The following RRAS2 variants were observed in gnomAD, a reference collection of about 807,000 sequenced individuals.
The protein encoded by RRAS2 is RAS related 2.
In RRAS2, 7 loss-of-function variants were observed where a neutral mutation model predicts 27.6. The ratio of observed to expected loss-of-function variants is 0.25; its 90% CI spans 0.14 to 0.48. The LOEUF (loss-of-function observed/expected upper bound fraction) is 0.48, where lower values mean the gene tolerates loss of function less well. Ranked by LOEUF, RRAS2 falls within the 20% of genes least tolerant of loss-of-function variation. The pLI is 0.99. For synonymous variants in RRAS2, 86 were observed against 90.9 expected, an observed-to-expected ratio of 0.95 and a Z score of 0.31; for missense variants, 178 against 256.2, an observed-to-expected ratio of 0.69 and a Z score of 2.08.
At chr11:14,279,517 G>C (rs1849462489) in intron 5 of RRAS2, 93 bp from the exon 6 acceptor site, 2 of 951,136 alleles carry the variant, frequency 2.1e-6, no homozygotes, top group Non-Finnish European at 3.4e-6. Flanking sequence ...ACTTTTAAGT[G>C]TGTATGCTTT....
intron 1 of RRAS2, among the ~76,000 whole-genome samples, chr11:14,326,209 T>G (rs1564972641): frequency 6.6e-6 from 1 of 152,230 alleles, no homozygotes; most frequent in Non-Finnish European, 1.5e-5. Flanking sequence ...TCTCAGGGCA[T>G]GTACCTAATG....
Position 14,359,088 on chromosome 11 carries a change from G to T in RRAS2, c.-218C>A, listed in dbSNP as rs1169002903. The stretch of plus-strand genomic sequence containing the variant: ...GCGCGGAGAAGCGGGGTGACGGCAC[G>T]GGCCAGGGGCGGCAGCGGCCGGGGG... On this transcript the variant is annotated 5_prime_UTR_variant, in exon 1 of 6. Transcript: ENST00000256196. 1 of 1,082,570 alleles carries T rather than the reference G, an allele frequency of 9.2e-7. No homozygotes were observed. The highest frequency in any genetic ancestry group is 1.1e-6 in the Non-Finnish European group (1 of 893,240). The allele number at this position is 1,082,570 out of a possible 1,614,324, so 67.1% of individuals were successfully genotyped here. A position where few individuals can be genotyped will look rare whatever the true frequency, so the allele number is the denominator to read the frequency against.
intron 1 of RRAS2, among the ~76,000 whole-genome samples, chr11:14,329,388 A>T (rs960150799): frequency 6.6e-6 from 1 of 152,234 alleles, no homozygotes; most frequent in Admixed American, 6.5e-5. Flanking sequence ...TGCTAAGATT[A>T]CAGGCACAAG....
chr11:14,319,594 A>G (rs1848183774), intron 1 of RRAS2, among the ~76,000 whole-genome samples: 1 of 150,860 alleles, frequency 6.6e-6, no homozygotes, highest in Non-Finnish European at 1.5e-5. Context: ...TCCTGACCTC[A>G]TGATCCACCC....
intron 5 of RRAS2, among the ~76,000 whole-genome samples, chr11:14,280,443 C>T (rs1054623913): frequency 3.3e-5 from 5 of 152,034 alleles, no homozygotes; most frequent in Admixed American, 6.6e-5. Flanking sequence ...AAAATAAATA[C>T]GCAGCCCAGG....
intron 4 of RRAS2, among the ~76,000 whole-genome samples, chr11:14,286,198 G>C (rs1461450402): frequency 6.6e-6 from 1 of 152,066 alleles, no homozygotes; most frequent in Non-Finnish European, 1.5e-5. Flanking sequence ...TTCTGGATCT[G>C]CTCCTATTAA....
chr11:14,285,206 T>C (rs1334088764), intron 4 of RRAS2, among the ~76,000 whole-genome samples: 6 of 152,224 alleles, frequency 3.9e-5, no homozygotes, highest in Admixed American at 1.3e-4. Flanking sequence ...TTTTAATTCA[T>C]GACAGTCTAA....
At chr11:14,363,702 C>T (rs1454500510), upstream of RRAS2, among the ~76,000 whole-genome samples, 1 of 151,972 alleles carries the variant, frequency 6.6e-6, no homozygotes, top group African/African-American at 2.4e-5. Context: ...ACCGGGGAGG[C>T]GGAGGTTGCA....
chr11:14,358,119 AC>A lies in RRAS2; in HGVS notation c.108+643del, dbSNP rs1849121212. ...TCAGGAATTCCTAGGAAATGGTCTC[AC>A]CCCATCAGAGAACATTTTTAACTTC... On this transcript the variant is annotated intron_variant, in intron 1 of 5. Coordinates refer to ENST00000256196, the MANE Select transcript of RRAS2 (RefSeq NM_012250.6). This position sits in a 1 kb window ranked among gnomAD's most constrained non-coding sequence, Gnocchi z 5.1. 1 of 656,740 alleles carries A rather than the reference AC, an allele frequency of 1.5e-6. No individual in the cohort carries two copies. The highest frequency in any genetic ancestry group is 2.0e-5 in the African/African-American group (1 of 50,932). The allele number at this position is 656,740 out of a possible 1,614,324, so 40.7% of individuals were successfully genotyped here. A position where few individuals can be genotyped will look rare whatever the true frequency, so the allele number is the denominator to read the frequency against.
chr11:14,319,638 G>A (rs1018421611), intron 1 of RRAS2, among the ~76,000 whole-genome samples: 1 of 151,936 alleles, frequency 6.6e-6, no homozygotes, highest in Non-Finnish European at 1.5e-5. Flanking sequence ...GATTACAGGC[G>A]TGAGCCACCG....
intron 1 of RRAS2, among the ~76,000 whole-genome samples, chr11:14,311,866 ACTT>A (rs1363248605): frequency 1.3e-5 from 2 of 151,056 alleles, no homozygotes; most frequent in Non-Finnish European, 3.0e-5. Context: ...ACTGTGAAAA[ACTT>A]TTTTTTTTTT....
intron 1 of RRAS2, among the ~76,000 whole-genome samples, chr11:14,313,457 T>C (rs552101241): frequency 4.6e-5 from 7 of 152,364 alleles, no homozygotes; most frequent in African/African-American, 1.7e-4. Context: ...CTCACTGTAG[T>C]GGCCTGAATG....
intron 1 of RRAS2, among the ~76,000 whole-genome samples, chr11:14,348,623 T>C (rs1448491331): frequency 6.6e-6 from 1 of 152,250 alleles, no homozygotes; most frequent in Admixed American, 6.5e-5. Context: ...AATTGCCCTA[T>C]AGTCAGTCAA....
intron 1 of RRAS2, among the ~76,000 whole-genome samples, chr11:14,357,571 T>C (rs1407884158): frequency 1.3e-5 from 2 of 152,228 alleles, no homozygotes; most frequent in African/African-American, 4.8e-5. Context: ...CCAGGGAATA[T>C]TATAGCAGCA....
chr11:14,282,087 T>TTG (rs1468491664), intron 4 of RRAS2, among the ~76,000 whole-genome samples: 17 of 152,130 alleles, frequency 1.1e-4, no homozygotes, highest in African/African-American at 4.1e-4. Flanking sequence ...GCCCAGAAGA[T>TTG]AACAGAGTAT....
chr11:14,335,943 G>A (rs1381578297), intron 1 of RRAS2, among the ~76,000 whole-genome samples: 4 of 152,156 alleles, frequency 2.6e-5, no homozygotes, highest in African/African-American at 9.7e-5. Context: ...ACTCCCAACA[G>A]ACACCAAAGA....
intron 1 of RRAS2, among the ~76,000 whole-genome samples, chr11:14,347,427 G>C (rs1173310806): frequency 6.6e-6 from 1 of 152,112 alleles, no homozygotes; most frequent in African/African-American, 2.4e-5. Context: ...CGAAAGGAGT[G>C]GGTAGAAACA....
At chr11:14,282,488 T>G (rs1184571235) in intron 4 of RRAS2, among the ~76,000 whole-genome samples, 1 of 152,208 alleles carries the variant, frequency 6.6e-6, no homozygotes, top group Non-Finnish European at 1.5e-5. Flanking sequence ...AGTTCCTACA[T>G]GTTTTAAATG....
chr11:14,352,150 GGATA>G (rs1848968802), intron 1 of RRAS2, among the ~76,000 whole-genome samples: 1 of 152,044 alleles, frequency 6.6e-6, no homozygotes, highest in Non-Finnish European at 1.5e-5. Context: ...TTACTTACAT[GGATA>G]AAGAGCTTTC....
Sources: gnomAD v4.1 joint callset for allele counts (sites outside exome capture counted in the v4.1 genomes callset) on GRCh38, gnomAD v4.1.1 for gene constraint, Gnocchi (gnomAD v3.1) non-coding constraint, MANE v1.5 for transcripts, NCBI Gene and HGNC (gene_info 2026-07-23, HGNC 2026-07-21) for gene names.